The following TTC39C variants were observed in gnomAD, a reference collection of about 807,000 sequenced individuals.
The protein encoded by TTC39C is tetratricopeptide repeat domain 39C.
A neutral mutation model predicts 76.3 loss-of-function variants in TTC39C; 33 were observed. The ratio of observed to expected loss-of-function variants is 0.43; its 90% CI spans 0.33 to 0.58. The LOEUF is 0.58. Among genes scored for constraint, TTC39C ranks in the 20% least tolerant of loss-of-function variants. The pLI is 0.04. For synonymous variants in TTC39C, 254 were observed against 260.6 expected (o/e 0.97, Z 0.24); for missense variants, 595 against 701.4 (o/e 0.85, Z 1.71).
chr18:24,121,911 C>T (rs538970438), intron 8 of TTC39C, among the ~76,000 whole-genome samples: 2 of 152,332 alleles, frequency 1.3e-5, no homozygotes, highest in African/African-American at 2.4e-5. Flanking sequence ...GGAAATGTTA[C>T]AGCTGCAATT....
chr18:24,045,927 ATTT>A (rs1156578816), intron 1 of TTC39C, among the ~76,000 whole-genome samples: 20 of 25,652 alleles, frequency 7.8e-4, no homozygotes, highest in African/African-American at 2.3e-3. Flanking sequence ...ATATATATAT[ATTT>A]TTTTTTTTTT....
chr18:24,059,035 A>G (rs971284783), intron 1 of TTC39C, among the ~76,000 whole-genome samples: 2 of 152,142 alleles, frequency 1.3e-5, no homozygotes, highest in African/African-American at 4.8e-5. Context: ...GGATATGTGT[A>G]TTGCAAATAT....
At chr18:24,114,884 A>G (rs2084871459) in intron 7 of TTC39C, 2 of 394,098 alleles carry the variant, frequency 5.1e-6, no homozygotes, top group Non-Finnish European at 9.3e-6. Context: ...TGTTAAATGA[A>G]TTGATTAAAT....
intron 6 of TTC39C, among the ~76,000 whole-genome samples, chr18:24,087,082 G>A (rs530387649): frequency 7.2e-5 from 11 of 152,218 alleles, no homozygotes; most frequent in African/African-American, 2.4e-4. Context: ...AACAATGTTT[G>A]GGAGGCTGAC....
At chr18:24,100,252 C>T (rs963265839) in intron 6 of TTC39C, among the ~76,000 whole-genome samples, 1 of 152,214 alleles carries the variant, frequency 6.6e-6, no homozygotes, top group African/African-American at 2.4e-5. Context: ...ATTCATCTTA[C>T]ATCCTTTAAT....
intron 1 of TTC39C, among the ~76,000 whole-genome samples, chr18:24,060,272 G>A (rs1568422692): frequency 6.7e-6 from 1 of 150,028 alleles, no homozygotes; most frequent in Non-Finnish European, 1.5e-5. Flanking sequence ...ATTCTGACTG[G>A]TGTGAGACGG....
chr18:24,010,814 G>A (rs1014848691), upstream of TTC39C, among the ~76,000 whole-genome samples: 3 of 152,176 alleles, frequency 2.0e-5, no homozygotes, highest in Admixed American at 2.0e-4. Context: ...CTAAGAGGCC[G>A]AGGTGGGCGG....
chr18:24,023,979 T>TATATATATACAC (rs2083557680), intron 1 of TTC39C, among the ~76,000 whole-genome samples: 1 of 10,312 alleles, frequency 9.7e-5, no homozygotes, highest in African/African-American at 2.2e-4. Context: ...TATATATATA[T>TATATATATACAC]ACATATATAT....
At chr18:24,095,330 A>G (rs1474835668) in intron 6 of TTC39C, among the ~76,000 whole-genome samples, 1 of 152,236 alleles carries the variant, frequency 6.6e-6, no homozygotes, top group Non-Finnish European at 1.5e-5. Context: ...CTAAAACTTT[A>G]TTCGTATCAG....
At chr18:24,011,048 A>AC (rs1278425448), upstream of TTC39C, among the ~76,000 whole-genome samples, 4 of 152,322 alleles carry the variant, frequency 2.6e-5, no homozygotes, top group East Asian at 7.7e-4. Flanking sequence ...CCCTGTCTCA[A>AC]GAAAAAAACC....
At chr18:23,997,509 C>T (rs1228438856) in intron 1 of TTC39C, among the ~76,000 whole-genome samples, 1 of 139,920 alleles carries the variant, frequency 7.1e-6, no homozygotes, top group Non-Finnish European at 1.5e-5. Context: ...CTGAGATTGC[C>T]CAACTGTACT....
At chr18:24,044,538 A>G (rs1370616352) in intron 1 of TTC39C, among the ~76,000 whole-genome samples, 2 of 152,170 alleles carry the variant, frequency 1.3e-5, no homozygotes, top group Admixed American at 1.3e-4. Flanking sequence ...CAAGCCTGTC[A>G]TGAGAGGTGA....
chr18:24,046,412 A>T lies in TTC39C; in HGVS notation c.168-17728A>T, dbSNP rs574748635. On this transcript the variant is annotated intron_variant, in intron 1 of 13. Coordinates refer to ENST00000317571, the MANE Select transcript of TTC39C (RefSeq NM_001135993.2). ...CCACATAAGGCAGTATAATTACATC[A>T]CATTTTCACATGAGGAAATGCAAGT... Among the ~76,000 whole-genome samples, 14 of 151,934 alleles carry T rather than the reference A, an allele frequency of 9.2e-5. No homozygotes were observed. In the South Asian group the frequency reaches 1.0e-3, roughly 11 times the overall value.
At chr18:24,068,201 A>C (rs937763319) in intron 3 of TTC39C, among the ~76,000 whole-genome samples, 1 of 152,230 alleles carries the variant, frequency 6.6e-6, no homozygotes, top group South Asian at 2.1e-4. Context: ...TTTCACATTC[A>C]GTATCTCATT....
upstream of TTC39C, among the ~76,000 whole-genome samples, chr18:24,009,834 A>G (rs187879642): frequency 6.6e-6 from 1 of 152,380 alleles, no homozygotes; most frequent in Non-Finnish European, 1.5e-5. Flanking sequence ...GTGGTTTATG[A>G]AAAGGCAGGT....
At chr18:24,053,905 G>A (rs1474606097) in intron 1 of TTC39C, among the ~76,000 whole-genome samples, 3 of 152,146 alleles carry the variant, frequency 2.0e-5, no homozygotes, top group Non-Finnish European at 4.4e-5. Flanking sequence ...CACAGTGGGG[G>A]AGGAGTTAGC....
intron 1 of TTC39C, among the ~76,000 whole-genome samples, chr18:24,005,873 C>T (rs977843061): frequency 6.6e-6 from 1 of 151,272 alleles, no homozygotes; most frequent in Non-Finnish European, 1.5e-5. Context: ...AACCCAATAA[C>T]TAAATACAAG....
At chr18:24,092,117 A>T (rs58814291) in intron 6 of TTC39C, among the ~76,000 whole-genome samples, 11,599 of 100,852 alleles carry the variant, frequency 0.12, 896 homozygotes, top group Admixed American at 0.19. Context: ...AAAAAAAAAA[A>T]AAAAAAAATA....
At chr18:24,006,501 C>T (rs576557839) in intron 1 of TTC39C, 2 of 134,802 alleles carry the variant, frequency 1.5e-5, no homozygotes, top group Non-Finnish European at 1.5e-5. Flanking sequence ...TGAAGATGGA[C>T]GTGAAAGTAA....
Sources: gnomAD v4.1 joint callset for allele counts (sites outside exome capture counted in the v4.1 genomes callset) on GRCh38, gnomAD v4.1.1 for gene constraint, MANE v1.5 for transcripts, NCBI Gene and HGNC (gene_info 2026-07-23, HGNC 2026-07-21) for gene names.